SCAI: variants seen among roughly 807,000 people sequenced by gnomAD.
SCAI encodes the protein suppressor of cancer cell invasion, also known as protein SCAI.
A neutral mutation model predicts 92.2 loss-of-function variants in SCAI; 24 were observed. The observed-to-expected ratio is 0.26, with a 90% CI of 0.19 to 0.37. SCAI has a LOEUF of 0.37. Among genes scored for constraint, SCAI ranks in the 10% least tolerant of loss-of-function variants. The pLI is 1.00. For synonymous variants in SCAI, 261 were observed against 258.6 expected (o/e 1.01, Z -0.09); for missense variants, 450 against 736.2 (o/e 0.61, Z 4.50).
chr9:125,056,659 C>T (rs547446668), intron 2 of SCAI, among the ~76,000 whole-genome samples: 4 of 152,058 alleles, frequency 2.6e-5, no homozygotes, highest in Non-Finnish European at 5.9e-5. Flanking sequence ...CCATTTGATC[C>T]ACTCTATAAA....
chr9:124,964,161 C>T (rs997742181), intron 17 of SCAI, among the ~76,000 whole-genome samples: 2 of 152,138 alleles, frequency 1.3e-5, no homozygotes, highest in Non-Finnish European at 2.9e-5. Context: ...AATCTAAACC[C>T]TTCTGCTGGG....
intron 12 of SCAI, 60 bp from the exon 13 acceptor site, chr9:125,000,050 T>C: frequency 1.4e-6 from 1 of 708,404 alleles, no homozygotes; most frequent in Middle Eastern, 2.4e-4. Flanking sequence ...GACCTGATGT[T>C]CAAATACAAA....
chr9:125,004,759 ATATATATATATATATATATATTTTTT>A (rs1341175921), intron 9 of SCAI, among the ~76,000 whole-genome samples: 3 of 9,828 alleles, frequency 3.1e-4, no homozygotes, highest in Non-Finnish European at 6.2e-4. Flanking sequence ...ATATATATAT[ATATATATATATATATATATATTTTTT>A]TTTTTTTTTT....
chr9:125,136,690 A>G (rs1174553570), intron 2 of SCAI, among the ~76,000 whole-genome samples: 2 of 150,252 alleles, frequency 1.3e-5, no homozygotes, highest in East Asian at 3.9e-4. Context: ...CAAACTCCTG[A>G]CCTCGTGATC....
chr9:125,007,961 T>C (rs943409060), intron 9 of SCAI, among the ~76,000 whole-genome samples: 2 of 151,984 alleles, frequency 1.3e-5, no homozygotes, highest in African/African-American at 4.8e-5. Flanking sequence ...TTCTCCTGCC[T>C]CAGCCTCCGG....
At chr9:125,094,879 A>G (rs567295297) in intron 2 of SCAI, among the ~76,000 whole-genome samples, 47 of 152,358 alleles carry the variant, frequency 3.1e-4, no homozygotes, top group African/African-American at 1.1e-3. Context: ...TCCAATGTCT[A>G]TAATAAAGCC....
intron 2 of SCAI, among the ~76,000 whole-genome samples, chr9:125,058,980 T>A (rs1206381768): frequency 6.6e-6 from 1 of 152,134 alleles, no homozygotes; most frequent in Non-Finnish European, 1.5e-5. Flanking sequence ...TAAGAAATCA[T>A]GAATCAATAT....
intron 2 of SCAI, among the ~76,000 whole-genome samples, chr9:125,082,317 T>C (rs983360495): frequency 4.6e-5 from 7 of 152,230 alleles, no homozygotes; most frequent in African/African-American, 1.7e-4. Flanking sequence ...TTTGGGAACC[T>C]CTGCCTAGAT....
chr9:125,143,241 C>G (rs1158508685), intron 1 of SCAI, 144 bp downstream of exon 1: 1 of 470,994 alleles, frequency 2.1e-6, no homozygotes, highest in Admixed American at 4.5e-5. Flanking sequence ...CGCCTGCAGG[C>G]GCCCCCAAGG....
intron 2 of SCAI, among the ~76,000 whole-genome samples, chr9:125,079,080 A>G (rs924846981): frequency 3.9e-5 from 6 of 151,902 alleles, no homozygotes; most frequent in African/African-American, 1.5e-4. Context: ...TTTTCTTGCA[A>G]TTACTTGATT....
intron 2 of SCAI, 134 bp downstream of exon 2, chr9:125,142,499 A>G (rs185013596): frequency 3.7e-5 from 24 of 647,296 alleles, no homozygotes; most frequent in East Asian, 1.1e-4. Flanking sequence ...AAAATCATGC[A>G]TGTGGTTATA....
At chr9:125,126,567 GGT>G (rs748121151) in intron 2 of SCAI, among the ~76,000 whole-genome samples, 79 of 128,512 alleles carry the variant, frequency 6.1e-4, no homozygotes, top group African/African-American at 1.3e-3. Context: ...GGTGGGTGTG[GGT>G]GTGTGTGTGT....
intron 6 of SCAI, among the ~76,000 whole-genome samples, chr9:125,022,158 A>C (rs1248817691): frequency 6.6e-6 from 1 of 152,168 alleles, no homozygotes; most frequent in Non-Finnish European, 1.5e-5. Flanking sequence ...TCCCATGTAC[A>C]TCAGATCATT....
chr9:125,062,843 A>AACCCTGTCT (rs1833796309), intron 2 of SCAI, among the ~76,000 whole-genome samples: 1 of 151,144 alleles, frequency 6.6e-6, no homozygotes, highest in African/African-American at 2.4e-5. Context: ...AACATGGTGA[A>AACCCTGTCT]ACCCTGTCTC....
intron 2 of SCAI, among the ~76,000 whole-genome samples, chr9:125,082,976 G>T (rs1348825592): frequency 6.6e-6 from 1 of 152,184 alleles, no homozygotes; most frequent in Non-Finnish European, 1.5e-5. Context: ...AGGCATGATT[G>T]GTTTTGAAAT....
intron 14 of SCAI, among the ~76,000 whole-genome samples, chr9:124,980,001 G>A (rs1185662395): frequency 6.7e-6 from 1 of 148,166 alleles, no homozygotes; most frequent in Non-Finnish European, 1.5e-5. Context: ...AGTGAGCTGA[G>A]ATCGGACCAC....
intron 2 of SCAI, among the ~76,000 whole-genome samples, chr9:125,101,692 T>C (rs1834681951): frequency 6.6e-6 from 1 of 152,192 alleles, no homozygotes. Context: ...CCACAAAATA[T>C]GCCAAGAACT....
chr9:125,069,459 A>C (rs919031782), intron 2 of SCAI, among the ~76,000 whole-genome samples: 6 of 149,906 alleles, frequency 4.0e-5, no homozygotes, highest in Admixed American at 2.0e-4. Flanking sequence ...CTGGGACTAC[A>C]GGCGCCCACC....
rs375216725 is a variant in SCAI, at chr9:125,001,942, C to G, written c.1144+23G>C. The G allele has an allele frequency of 1.6e-5, 25 of 1,523,732 alleles. No individual in the cohort carries two copies. The African/African-American group carries it at 3.4e-4, about 21-fold the overall frequency. The allele number at this position is 1,523,732 out of a possible 1,614,324, so 94.4% of individuals were successfully genotyped here. On this transcript the variant is annotated intron_variant, in intron 12 of 17. Transcript: ENST00000336505. The stretch of plus-strand genomic sequence containing the variant: ...AAGAGAATTCAAGCCCTGCTCACAA[C>G]AGGGAGCATTCCTTTATTGTACCTT...
Sources: gnomAD v4.1 joint callset for allele counts (sites outside exome capture counted in the v4.1 genomes callset) on GRCh38, gnomAD v4.1.1 for gene constraint, MANE v1.5 for transcripts, NCBI Gene and HGNC (gene_info 2026-07-23, HGNC 2026-07-21) for gene names.